Variants in MAP2K6 observed in about 807,000 individuals in gnomAD.
The protein encoded by MAP2K6 is mitogen-activated protein kinase kinase 6, also known as dual specificity mitogen-activated protein kinase kinase 6.
In MAP2K6, 16 loss-of-function variants were observed where a neutral mutation model predicts 53.7. The observed-to-expected ratio is 0.30, with a 90% confidence interval of 0.20 to 0.45. MAP2K6 has a LOEUF of 0.45. MAP2K6 is among the 20% of genes least tolerant of loss of function. The pLI, the probability that MAP2K6 is intolerant of heterozygous loss-of-function variation, is 1.00. For missense variants in MAP2K6, 204 were observed against 411.9 expected (o/e 0.50, Z 4.37); for synonymous variants, 132 against 143.1 (o/e 0.92, Z 0.55).
At chr17:69,497,343 G>C (rs1241729315) in intron 1 of MAP2K6, among the ~76,000 whole-genome samples, 1 of 152,182 alleles carries the variant, frequency 6.6e-6, no homozygotes, top group Admixed American at 6.5e-5. Flanking sequence ...AAACATACTT[G>C]AGCTGAGTGT....
chr17:69,449,072 CT>C (rs1454185576), intron 1 of MAP2K6, among the ~76,000 whole-genome samples: 2 of 152,186 alleles, frequency 1.3e-5, no homozygotes, highest in African/African-American at 4.8e-5. Flanking sequence ...GCGTTTTTCT[CT>C]TTCTTTTAGC....
intron 1 of MAP2K6, among the ~76,000 whole-genome samples, chr17:69,464,565 A>G (rs981559317): frequency 2.6e-5 from 4 of 152,036 alleles, no homozygotes; most frequent in African/African-American, 9.7e-5. Context: ...TATTTTTAGT[A>G]AAGATGAGGT....
intron 1 of MAP2K6, among the ~76,000 whole-genome samples, chr17:69,440,592 T>C (rs1183411804): frequency 6.6e-6 from 1 of 152,178 alleles, no homozygotes; most frequent in African/African-American, 2.4e-5. Flanking sequence ...TTAGAGAACT[T>C]CTTTTAGCCA....
intron 10 of MAP2K6, among the ~76,000 whole-genome samples, chr17:69,531,979 G>C (rs2144850634): frequency 6.6e-6 from 1 of 152,236 alleles, no homozygotes. Flanking sequence ...TCTTCCTATA[G>C]GTTCACAGAA....
chr17:69,545,304 G>A lies in MAP2K6; in HGVS notation c.*3551G>A, dbSNP rs1467570416. 2 of 152,140 alleles carry A rather than the reference G, an allele frequency of 1.3e-5. No individual in the cohort carries two copies. Among genetic ancestry groups the A allele is most frequent in the Admixed American group, 6.6e-5 (1 of 15,266 alleles). The allele number at this position is 152,140 out of a possible 1,614,324, so 9.4% of individuals were successfully genotyped here. A position where few individuals can be genotyped will look rare whatever the true frequency, so the allele number is the denominator to read the frequency against. The stretch of plus-strand genomic sequence containing the variant: ...TGTTGATAAAATATCAGGTCATCAC[G>A]GATTTTGCAAGTGAAAGTCACCTAT... On this transcript the variant is annotated 3_prime_UTR_variant, in exon 12 of 12. Coordinates refer to ENST00000590474, the MANE Select transcript of MAP2K6 (RefSeq NM_002758.4).
At chr17:69,437,687 CTAT>C (rs1157498894) in intron 1 of MAP2K6, among the ~76,000 whole-genome samples, 4 of 152,346 alleles carry the variant, frequency 2.6e-5, no homozygotes, top group Admixed American at 2.6e-4. Context: ...TTCCAAAACA[CTAT>C]CATCATCACA....
At chr17:69,514,968 T>A (rs1278333855) in intron 2 of MAP2K6, among the ~76,000 whole-genome samples, 1 of 152,156 alleles carries the variant, frequency 6.6e-6, no homozygotes, top group Admixed American at 6.5e-5. Flanking sequence ...AGGTTTCTTT[T>A]CTCTCTCACT....
intron 2 of MAP2K6, among the ~76,000 whole-genome samples, chr17:69,514,537 A>G (rs1341327517): frequency 6.6e-6 from 1 of 151,944 alleles, no homozygotes; most frequent in Non-Finnish European, 1.5e-5. Context: ...AGTCATGTTT[A>G]TATCTGTATT....
intron 10 of MAP2K6, among the ~76,000 whole-genome samples, chr17:69,535,577 G>C (rs1911315073): frequency 6.6e-6 from 1 of 152,178 alleles, no homozygotes; most frequent in South Asian, 2.1e-4. Context: ...CTGGGCAACA[G>C]AGCCAGCCCC....
chr17:69,478,817 A>C (rs1282028729), intron 1 of MAP2K6, among the ~76,000 whole-genome samples: 1 of 152,142 alleles, frequency 6.6e-6, no homozygotes, highest in African/African-American at 2.4e-5. Context: ...GGATGAGTGA[A>C]TGAAAGTGCT....
At chr17:69,518,336 G>T (rs764595228) in intron 4 of MAP2K6, among the ~76,000 whole-genome samples, 12 of 152,102 alleles carry the variant, frequency 7.9e-5, no homozygotes, top group African/African-American at 2.9e-4. Flanking sequence ...GAAAGTTTAC[G>T]TATTGCATTT....
intron 2 of MAP2K6, among the ~76,000 whole-genome samples, chr17:69,507,021 A>G (rs1909535833): frequency 6.7e-6 from 1 of 149,548 alleles, no homozygotes; most frequent in Non-Finnish European, 1.5e-5. Context: ...TGAACTGTGT[A>G]ATTACTATTG....
At chr17:69,486,345 A>AG (rs1418537827) in intron 1 of MAP2K6, among the ~76,000 whole-genome samples, 2 of 152,164 alleles carry the variant, frequency 1.3e-5, no homozygotes, top group East Asian at 3.9e-4. Context: ...AAGAGATGGA[A>AG]GTTCTCCCTG....
intron 1 of MAP2K6, among the ~76,000 whole-genome samples, chr17:69,465,103 T>C (rs1284356545): frequency 6.6e-6 from 1 of 151,356 alleles, no homozygotes; most frequent in African/African-American, 2.4e-5. Context: ...TTGATAATAT[T>C]TGTTGATTGA....
At chr17:69,455,827 A>G (rs1907387472) in intron 1 of MAP2K6, among the ~76,000 whole-genome samples, 1 of 148,246 alleles carries the variant, frequency 6.7e-6, no homozygotes, top group South Asian at 2.1e-4. Context: ...TATGCCTGGG[A>G]CTGAGTGGGT....
At chr17:69,486,611 G>A (rs1164620497) in intron 1 of MAP2K6, among the ~76,000 whole-genome samples, 1 of 152,136 alleles carries the variant, frequency 6.6e-6, no homozygotes, top group Non-Finnish European at 1.5e-5. Context: ...AGGGGACACT[G>A]CCACACATGA....
chr17:69,529,111 T>A (rs1423423083), intron 10 of MAP2K6, among the ~76,000 whole-genome samples: 1 of 152,168 alleles, frequency 6.6e-6, no homozygotes, highest in Non-Finnish European at 1.5e-5. Context: ...ACCAGTTTAA[T>A]CCAATGATTC....
chr17:69,487,592 A>G (rs1245335260), intron 1 of MAP2K6, among the ~76,000 whole-genome samples: 1 of 152,216 alleles, frequency 6.6e-6, no homozygotes, highest in Non-Finnish European at 1.5e-5. Context: ...CAAGGTAGAT[A>G]TTGGTTTTCC....
chr17:69,521,126 T>C, intron 7 of MAP2K6, 26 bp downstream of exon 7: 1 of 1,604,062 alleles, frequency 6.2e-7, no homozygotes, highest in Non-Finnish European at 8.5e-7. Context: ...CTGCCTTGGC[T>C]GTTCCTTTGA....
Sources: gnomAD v4.1 joint callset for allele counts (sites outside exome capture counted in the v4.1 genomes callset) on GRCh38, gnomAD v4.1.1 for gene constraint, MANE v1.5 for transcripts, NCBI Gene and HGNC (gene_info 2026-07-23, HGNC 2026-07-21) for gene names.